PCDHGA3: variants seen among roughly 807,000 people sequenced by gnomAD.
PCDHGA3 encodes the protein protocadherin gamma-A3.
Under a neutral mutation model 58.5 loss-of-function variants are expected in PCDHGA3, and 40 were observed. The observed-to-expected ratio is 0.68, with a 90% confidence interval of 0.53 to 0.89. PCDHGA3 has a LOEUF of 0.89. Ranked by LOEUF, PCDHGA3 falls within the 40% of genes least tolerant of loss-of-function variation. The probability of loss-of-function intolerance (pLI) is 0.00; values close to 1 mark genes in which losing one functional copy is unlikely to be tolerated. For synonymous variants in PCDHGA3, 530 were observed against 525.7 expected (o/e 1.01, Z -0.11); for missense variants, 1,223 against 1,195.9 (o/e 1.02, Z -0.33).
At chr5:141,399,641 C>T (rs747527070) in intron 1 of PCDHGA3, 5 of 1,613,852 alleles carry the variant, frequency 3.1e-6, no homozygotes, top group Non-Finnish European at 4.2e-6. Context: ...TCCATGAGCG[C>T]GCAAAGTGGG....
chr5:141,430,659 G>A, intron 1 of PCDHGA3: 1 of 1,110,600 alleles, frequency 9.0e-7, no homozygotes, highest in Non-Finnish European at 1.2e-6. Context: ...AACAACGGAG[G>A]AGCTCTGACT....
In PCDHGA3 at chr5:141,485,849, G is replaced by A. The variant is rs777288674; in HGVS notation, c.2425-8958G>A. ...AGGGAACCCGCCGAGATCTGGCACC[G>A]CAGAGCTCCGGGTATCCGTGCTGGA... On this transcript the variant is annotated intron_variant, in intron 1 of 3. Transcript: ENST00000253812. The surrounding 1 kb of genome is among the most constrained non-coding windows in gnomAD (Gnocchi z 5.7). 3 of 1,614,130 alleles carry A rather than the reference G, an allele frequency of 1.9e-6. No individual in the cohort carries two copies. In the South Asian group the frequency reaches 3.3e-5, roughly 18 times the overall value.
chr5:141,423,082 G>T (rs1390567548), intron 1 of PCDHGA3: 3 of 1,614,078 alleles, frequency 1.9e-6, no homozygotes, highest in Non-Finnish European at 2.5e-6. Context: ...GGGACTCTTC[G>T]CGGTGGGGGA....
Position 141,431,628 on chromosome 5 carries a change from A to T in PCDHGA3, c.2425-63179A>T, listed in dbSNP as rs1204083567. The T allele has an allele frequency of 6.2e-7, 1 of 1,614,138 alleles. No individual in the cohort carries two copies. Among genetic ancestry groups the T allele is most frequent in the Non-Finnish European group, 8.5e-7 (1 of 1,180,058 alleles). ...CGGTATGTGGACGACAAGGCGGCCC[A>T]AGTTTTCAAACTAGATTGTAATTCA... On this transcript the variant is annotated intron_variant, in intron 1 of 3. Coordinates refer to ENST00000253812, the MANE Select transcript of PCDHGA3 (RefSeq NM_018916.4). The surrounding 1 kb of genome is among the most constrained non-coding windows in gnomAD (Gnocchi z 4.8).
At chr5:141,358,990 A>G (rs552120957) in intron 1 of PCDHGA3, among the ~76,000 whole-genome samples, 2 of 152,376 alleles carry the variant, frequency 1.3e-5, no homozygotes, top group Non-Finnish European at 2.9e-5. Context: ...TCATGAATGC[A>G]TATGCTTACA....
chr5:141,401,654 G>T (rs566223613), intron 1 of PCDHGA3, among the ~76,000 whole-genome samples: 52 of 152,328 alleles, frequency 3.4e-4, no homozygotes, highest in Middle Eastern at 3.4e-3. Flanking sequence ...TAAATGACTG[G>T]ATGTTTTCTC....
At chr5:141,453,552 A>G (rs1005017830) in intron 1 of PCDHGA3, among the ~76,000 whole-genome samples, 2 of 152,188 alleles carry the variant, frequency 1.3e-5, no homozygotes, top group Non-Finnish European at 2.9e-5. Flanking sequence ...CACACTCTGT[A>G]GATAATCGAT....
intron 1 of PCDHGA3, chr5:141,362,643 G>A: frequency 6.8e-7 from 1 of 1,460,260 alleles, no homozygotes; most frequent in Non-Finnish European, 9.1e-7. Flanking sequence ...TTCTTTGTCT[G>A]TGAGTTAGAT....
rs747811019 is a variant in PCDHGA3 at position 141,490,069 on chromosome 5, C to T, written c.2425-4738C>T. 6 of 1,614,150 alleles carry T rather than the reference C, an allele frequency of 3.7e-6. No homozygotes were observed. Among genetic ancestry groups the T allele is most frequent in the Non-Finnish European group, 5.1e-6 (6 of 1,180,044 alleles). ...TCCAGACGAGGGCACCAACGGCCAA[C>T]TAGACTATTCTTTTGGAGACCACAC... On this transcript the variant is annotated intron_variant, in intron 1 of 3. Transcript: ENST00000253812. This position sits in a 1 kb window ranked among gnomAD's most constrained non-coding sequence, Gnocchi z 5.4.
At chr5:141,348,702 G>T (rs1313395015) in intron 1 of PCDHGA3, among the ~76,000 whole-genome samples, 1 of 152,082 alleles carries the variant, frequency 6.6e-6, no homozygotes, top group Non-Finnish European at 1.5e-5. Context: ...GAATGGGCAA[G>T]AATCCACTAC....
intron 1 of PCDHGA3, chr5:141,399,946 GC>G: frequency 6.2e-7 from 1 of 1,612,270 alleles, no homozygotes. Context: ...CGTGCTGCAG[GC>G]TAGCGAGCCC....
rs1264759473 is a variant in PCDHGA3 at position 141,486,183 on chromosome 5, G to A, written c.2425-8624G>A. On this transcript the variant is annotated intron_variant, in intron 1 of 3. Transcript: ENST00000253812. The surrounding 1 kb of genome is among the most constrained non-coding windows in gnomAD (Gnocchi z 5.0). The stretch of plus-strand genomic sequence containing the variant: ...GCCATGGAGCAACATTGCAGCCTTC[G>A]AGTGGATCTGCTGGACGTAAATGAC... 3 of 1,614,154 alleles carry A rather than the reference G, an allele frequency of 1.9e-6. No homozygotes were observed. The highest frequency in any genetic ancestry group is 1.1e-5 in the South Asian group (1 of 91,082).
At chr5:141,435,421 C>T (rs1384040447) in intron 1 of PCDHGA3, among the ~76,000 whole-genome samples, 2 of 152,096 alleles carry the variant, frequency 1.3e-5, no homozygotes, top group Non-Finnish European at 2.9e-5. Context: ...CTATTTTTCA[C>T]TTCTGTTATG....
chr5:141,490,120 G>A lies in PCDHGA3; in HGVS notation c.2425-4687G>A. On this transcript the variant is annotated intron_variant, in intron 1 of 3. Coordinates refer to ENST00000253812, the MANE Select transcript of PCDHGA3 (RefSeq NM_018916.4). This position sits in a 1 kb window ranked among gnomAD's most constrained non-coding sequence, Gnocchi z 5.4. ...ATCTGAGGCAGTGCGGAACCTCTTT[G>A]GCCTAGACCCTAGCAGTGGGGCAAT... 6.2e-7 allele frequency: 1 copy of A among 1,614,224 alleles called. No homozygotes were observed. Among genetic ancestry groups the A allele is most frequent in the East Asian group, 2.2e-5 (1 of 44,888 alleles).
chr5:141,346,366 C>A lies in PCDHGA3; in HGVS notation c.2333C>A (p.Thr778Lys), dbSNP rs749000978. The A allele has an allele frequency of 4.3e-6, 7 of 1,614,242 alleles. No homozygotes were observed. In the East Asian group the frequency reaches 1.3e-4, roughly 31 times the overall value. ...LIFPQPNYAD[T>K]LISQESCEKS... Reference sequence around the variant, plus strand: ...TTCCCCCAGCCCAACTATGCGGACACGCTCATCAGCCAGGAGAGCTGTGAG... The same window carrying A: ...TTCCCCCAGCCCAACTATGCGGACAAGCTCATCAGCCAGGAGAGCTGTGAG... Residue 778 changes from threonine (T) to lysine (K), a missense_variant, in exon 1 of 4, where the codon ACG becomes AAG. This residue lies in a region of PCDHGA3 where 325 missense variants were observed against 327.5 expected (regional missense o/e 0.99). Coordinates refer to ENST00000253812, the MANE Select transcript of PCDHGA3 (RefSeq NM_018916.4).
At chr5:141,465,152 G>C (rs1028596804) in intron 1 of PCDHGA3, among the ~76,000 whole-genome samples, 1 of 151,422 alleles carries the variant, frequency 6.6e-6, no homozygotes, top group African/African-American at 2.4e-5. Flanking sequence ...TATATGAAGG[G>C]ACTCTAAATG....
At chr5:141,348,472 C>CT (rs958946105) in intron 1 of PCDHGA3, among the ~76,000 whole-genome samples, 5 of 152,130 alleles carry the variant, frequency 3.3e-5, no homozygotes, top group African/African-American at 1.2e-4. Flanking sequence ...ATTAGTATCA[C>CT]TTTCCCTGTA....
In PCDHGA3 at chr5:141,422,911, G is replaced by C. The variant is rs375046528; in HGVS notation, c.2425-71896G>C. ...GCTGGACCAGAACGACAATGCGCCC[G>C]AGATCCTGTACCCTGCCCTCCCCAC... On this transcript the variant is annotated intron_variant, in intron 1 of 3. Transcript: ENST00000253812. 41 of 1,614,236 alleles carry C rather than the reference G, an allele frequency of 2.5e-5. No individual in the cohort carries two copies. Among genetic ancestry groups the C allele is most frequent in the Non-Finnish European group, 3.2e-5 (38 of 1,180,046 alleles).
chr5:141,510,995 G>T lies in PCDHGA3; in HGVS notation c.2621G>T (p.Gly874Val). ...STLGGGAGTM[G>V]LSARYGPQFT... is the part of the protein sequence containing the mutation. ...CTGGGAGGGGGTGCCGGCACCATGG[G>T]ATTGAGCGCCCGCTACGGACCCCAG... is the stretch of plus-strand genomic sequence containing the variant. Residue 874 changes from glycine to valine, a missense_variant, in exon 4 of 4, where the codon GGA becomes GTA. Physicochemically the swap from Gly to Val is moderately radical, Grantham distance 109. Around this residue, in one of 3 missense-constraint regions of PCDHGA3, gnomAD observed 325 missense variants for 327.5 expected, o/e 0.99. Coordinates refer to ENST00000253812, the MANE Select transcript of PCDHGA3 (RefSeq NM_018916.4). The T allele has an allele frequency of 6.2e-7, 1 of 1,614,172 alleles. No individual in the cohort carries two copies. Among genetic ancestry groups the T allele is most frequent in the Non-Finnish European group, 8.5e-7 (1 of 1,180,018 alleles).
Sources: allele counts gnomAD v4.1 joint callset (sites outside exome capture counted in the v4.1 genomes callset), GRCh38; gene constraint gnomAD v4.1.1; regional missense constraint gnomAD v4.1.1; non-coding constraint Gnocchi (gnomAD v3.1); transcripts MANE v1.5; gene names NCBI Gene and HGNC (gene_info 2026-07-23, HGNC 2026-07-21).